HMX1: variants seen among roughly 807,000 people sequenced by gnomAD.
HMX1 encodes the protein H6 family homeobox 1, also known as homeobox protein HMX1.
HMX1 carries 8 observed loss-of-function variants against 8.9 expected under a neutral mutation model. That is an observed-to-expected ratio of 0.90 (90% CI 0.53 to 1.63). HMX1 has a LOEUF of 1.63. HMX1 is among the 40% of genes most tolerant of loss of function. The pLI is 0.00. For synonymous variants in HMX1, 311 were observed against 283.4 expected (o/e 1.10, Z -0.98); for missense variants, 621 against 558.5 (o/e 1.11, Z -1.13).
Position 8,871,155 on chromosome 4 carries a change from C to T in HMX1, c.394+66G>A. 1 of 1,305,248 alleles carries T rather than the reference C, an allele frequency of 7.7e-7. No homozygotes were observed. Among genetic ancestry groups the T allele is most frequent in the East Asian group, 3.6e-5 (1 of 27,788 alleles). The allele number at this position is 1,305,248 out of a possible 1,614,324, so 80.9% of individuals were successfully genotyped here. ...GGGCGGCGACGAGCCCGAAGTCCCC[C>T]AGCAAATGCGCAGGGAGGAAGTCGG... is the stretch of plus-strand genomic sequence containing the variant. On this transcript the variant is annotated intron_variant, in intron 1 of 1. Coordinates refer to ENST00000400677, the MANE Select transcript of HMX1 (RefSeq NM_018942.3). The surrounding 1 kb of genome is among the most constrained non-coding windows in gnomAD (Gnocchi z 4.8).
At chr4:8,860,192 G>A (rs1255479311) in intron 1 of HMX1, among the ~76,000 whole-genome samples, 1 of 152,246 alleles carries the variant, frequency 6.6e-6, no homozygotes, top group East Asian at 1.9e-4. Context: ...GCATGACTGC[G>A]CGCCAAATGG....
chr4:8,866,275 G>A (rs1005347410), downstream of HMX1, among the ~76,000 whole-genome samples: 4 of 152,218 alleles, frequency 2.6e-5, no homozygotes, highest in South Asian at 2.1e-4. Context: ...GTATGGCCCG[G>A]CTGCTGCCCA....
chr4:8,855,517 G>C (rs550595498), intron 1 of HMX1, among the ~76,000 whole-genome samples: 10 of 152,172 alleles, frequency 6.6e-5, no homozygotes, highest in Admixed American at 5.9e-4. Context: ...TGGGGGTCGA[G>C]GTGAGTGCCC....
In HMX1 at chr4:8,871,517, C is replaced by T; in HGVS notation, c.98G>A (p.Gly33Glu). 3.7e-6 allele frequency: 5 copies of T among 1,343,606 alleles called. No individual in the cohort carries two copies. The highest frequency in any genetic ancestry group is 4.8e-6 in the Non-Finnish European group (5 of 1,047,730). 83.2% of individuals were successfully genotyped at this position (1,343,606 alleles called of 1,614,324 possible). The change falls in exon 1 of 2, where the codon GGG becomes GAG. Residue 33 changes from glycine to glutamate, a missense_variant. Coordinates refer to ENST00000400677, the MANE Select transcript of HMX1 (RefSeq NM_018942.3). The surrounding 1 kb of genome is among the most constrained non-coding windows in gnomAD (Gnocchi z 4.8). ...GCTGCCGTCGCCCTGGGTCGCGCGCCCTGCGCCCTTGGCCTCGGCCGCCAG... is the reference window on the plus strand; with the variant it reads ...GCTGCCGTCGCCCTGGGTCGCGCGCTCTGCGCCCTTGGCCTCGGCCGCCAG... ...NLLAAEAKGA[G>E]RATQGDGSRE... is the part of the protein sequence containing the mutation.
chr4:8,854,652 G>A (rs78775342), intron 1 of HMX1, among the ~76,000 whole-genome samples: 6,174 of 152,276 alleles, frequency 0.041, 184 homozygotes, highest in South Asian at 0.096. Context: ...CAGACCACAC[G>A]CTCATGCCAG....
intron 1 of HMX1, among the ~76,000 whole-genome samples, chr4:8,850,737 C>G (rs562784112): frequency 6.6e-6 from 1 of 152,242 alleles, no homozygotes; most frequent in Non-Finnish European, 1.5e-5. Context: ...TGCCCTTCCC[C>G]GCGGGTGGGC....
At chr4:8,862,945 G>T (rs913276620), downstream of HMX1, among the ~76,000 whole-genome samples, 3 of 152,150 alleles carry the variant, frequency 2.0e-5, no homozygotes, top group Non-Finnish European at 2.9e-5. Context: ...CTATGAAGGG[G>T]TGTCCACCTC....
chr4:8,861,887 G>A (rs1284626113), intron 1 of HMX1, among the ~76,000 whole-genome samples: 2 of 152,264 alleles, frequency 1.3e-5, no homozygotes, highest in Non-Finnish European at 2.9e-5. Flanking sequence ...CAACGCACCC[G>A]GGACCAAGAG....
Position 8,847,557 on chromosome 4 carries a change from G to A in HMX1, c.395-1233C>T, listed in dbSNP as rs1721316268. Among the ~76,000 whole-genome samples the A allele has an allele frequency of 6.6e-6, 1 of 152,144 alleles. No individual in the cohort carries two copies. Among genetic ancestry groups the A allele is most frequent in the African/African-American group, 2.4e-5 (1 of 41,432 alleles). ...GAGCAGGCGGACCTGAAGGAACATC[G>A]GCCAGACACTGGACACGTGCAAACC... On this transcript the variant is annotated intron_variant, in intron 1 of 1. Transcript: ENST00000506970. The surrounding 1 kb of genome is among the most constrained non-coding windows in gnomAD (Gnocchi z 6.0).
chr4:8,852,572 G>C (rs974212275), intron 1 of HMX1, among the ~76,000 whole-genome samples: 7 of 152,198 alleles, frequency 4.6e-5, no homozygotes, highest in Non-Finnish European at 1.0e-4. Context: ...TGGGGAACTG[G>C]ACGCATCCCA....
chr4:8,859,822 G>A (rs1464151110), intron 1 of HMX1, among the ~76,000 whole-genome samples: 6 of 152,170 alleles, frequency 3.9e-5, no homozygotes, highest in African/African-American at 1.2e-4. Context: ...CTCCCGTCCC[G>A]GCCCGAAGAA....
intron 1 of HMX1, among the ~76,000 whole-genome samples, chr4:8,859,934 A>G (rs967211055): frequency 5.3e-5 from 8 of 152,200 alleles, no homozygotes; most frequent in Non-Finnish European, 8.8e-5. Flanking sequence ...TGGATACCCA[A>G]TTCCCGCCAC....
Position 8,847,302 on chromosome 4 carries a change from T to A in HMX1, c.395-978A>T, listed in dbSNP as rs1367685849. ...AAAAAAATAATAATTTAATTTAATTTAAAAAGCCACTAAGTGATCTGATGT... is the reference window on the plus strand; with the variant it reads ...AAAAAAATAATAATTTAATTTAATTAAAAAAGCCACTAAGTGATCTGATGT... On this transcript the variant is annotated intron_variant, in intron 1 of 1. Coordinates refer to the HMX1 transcript ENST00000506970. The surrounding 1 kb of genome is among the most constrained non-coding windows in gnomAD (Gnocchi z 6.0). Among the ~76,000 whole-genome samples, 1 of 152,166 alleles carries A rather than the reference T, an allele frequency of 6.6e-6. No homozygotes were observed. The highest frequency in any genetic ancestry group is 1.5e-5 in the Non-Finnish European group (1 of 68,026).
rs1721517402 is a variant in HMX1, at chr4:8,853,500, T to A, written c.395-7176A>T. 6.6e-6 allele frequency among the ~76,000 whole-genome samples: 1 copy of A among 152,150 alleles called. No homozygotes were observed. The highest frequency in any genetic ancestry group is 2.1e-4 in the South Asian group (1 of 4,824). The stretch of plus-strand genomic sequence containing the variant: ...GAGCTGCAAGGGAGGCTGGGAAATG[T>A]AGTCTTTAGCTAAGTGCCCAACTGA... On this transcript the variant is annotated intron_variant, in intron 1 of 1. Transcript: ENST00000506970. This position sits in a 1 kb window ranked among gnomAD's most constrained non-coding sequence, Gnocchi z 4.7.
In HMX1 at chr4:8,847,404, A is replaced by G. The variant is rs1046694048; in HGVS notation, c.395-1080T>C. 6.6e-6 allele frequency among the ~76,000 whole-genome samples: 1 copy of G among 152,248 alleles called. No individual in the cohort carries two copies. The highest frequency in any genetic ancestry group is 1.5e-5 in the Non-Finnish European group (1 of 68,052). On this transcript the variant is annotated intron_variant, in intron 1 of 1. Coordinates refer to the HMX1 transcript ENST00000506970. This position sits in a 1 kb window ranked among gnomAD's most constrained non-coding sequence, Gnocchi z 6.0. ...AAGATGTTTCTGGGAACGTGGTTTG[A>G]GAAATGCTGTTCACGGTGAAGCCAC...
At chr4:8,851,766 G>C (rs773747378) in intron 1 of HMX1, among the ~76,000 whole-genome samples, 1 of 152,252 alleles carries the variant, frequency 6.6e-6, no homozygotes, top group Non-Finnish European at 1.5e-5. Flanking sequence ...TAACCCCCAA[G>C]TCCAAGGACT....
chr4:8,862,418 G>A (rs780870170), downstream of HMX1, among the ~76,000 whole-genome samples: 3 of 152,156 alleles, frequency 2.0e-5, no homozygotes, highest in African/African-American at 4.8e-5. Flanking sequence ...AAACAAAATC[G>A]AGGGAGGCTT....
chr4:8,852,266 G>A (rs532617111), intron 1 of HMX1, among the ~76,000 whole-genome samples: 7 of 152,358 alleles, frequency 4.6e-5, no homozygotes, highest in Admixed American at 2.0e-4. Context: ...CAGTGAACGC[G>A]GCTGCAGGGA....
At chr4:8,864,982 G>A (rs1363993665), downstream of HMX1, among the ~76,000 whole-genome samples, 1 of 150,570 alleles carries the variant, frequency 6.6e-6, no homozygotes, top group Non-Finnish European at 1.5e-5. Context: ...GATGCTGGCT[G>A]CCAAGACTAG....
Sources: gnomAD v4.1 joint callset for allele counts (sites outside exome capture counted in the v4.1 genomes callset) on GRCh38, gnomAD v4.1.1 for gene constraint, Gnocchi (gnomAD v3.1) non-coding constraint, MANE v1.5 for transcripts, NCBI Gene and HGNC (gene_info 2026-07-23, HGNC 2026-07-21) for gene names.